Variants in TUSC3 observed in about 807,000 individuals in gnomAD.
TUSC3 encodes dolichyl-diphosphooligosaccharide--protein glycosyltransferase subunit TUSC3.
In TUSC3, 45 loss-of-function variants were observed where a neutral mutation model predicts 44.8. The ratio of observed to expected loss-of-function variants is 1.00; its 90% CI spans 0.79 to 1.29. The LOEUF (loss-of-function observed/expected upper bound fraction) is 1.29. Ranked by LOEUF, TUSC3 falls within the 50% of genes most tolerant of loss-of-function variation. TUSC3 has a pLI of 0.00. For synonymous variants in TUSC3, 212 were observed against 152.9 expected (o/e 1.39, Z -2.85); for missense variants, 519 against 437.9 (o/e 1.19, Z -1.65).
intron 2 of TUSC3, among the ~76,000 whole-genome samples, chr8:15,518,228 G>C (rs1383280087): frequency 1.3e-5 from 2 of 151,764 alleles, no homozygotes; most frequent in Non-Finnish European, 2.9e-5. Flanking sequence ...CTTCTTTGTG[G>C]TCAATATTAC....
chr8:15,467,189 T>G (rs1441282536), intron 1 of TUSC3, among the ~76,000 whole-genome samples: 2 of 151,064 alleles, frequency 1.3e-5, no homozygotes, highest in Non-Finnish European at 2.9e-5. Context: ...TTAAGGGTAG[T>G]CAACAAGTAC....
chr8:15,482,498 C>T (rs541481511), intron 1 of TUSC3, among the ~76,000 whole-genome samples: 1 of 152,126 alleles, frequency 6.6e-6, no homozygotes, highest in Non-Finnish European at 1.5e-5. Context: ...CTGTTGAGAC[C>T]TGCTGCTTAG....
intron 2 of TUSC3, among the ~76,000 whole-genome samples, chr8:15,517,331 G>A (rs367592688): frequency 3.1e-4 from 47 of 151,862 alleles, no homozygotes; most frequent in Non-Finnish European, 4.4e-4. Flanking sequence ...TCTATTCTTC[G>A]TACCTCATCA....
At chr8:15,762,909 CA>C (rs1812215581) in intron 10 of TUSC3, among the ~76,000 whole-genome samples, 3 of 151,936 alleles carry the variant, frequency 2.0e-5, no homozygotes, top group Non-Finnish European at 4.4e-5. Context: ...TGACATTCTT[CA>C]TGGAGATGGT....
At chr8:15,504,704 G>A (rs1396612249) in intron 2 of TUSC3, among the ~76,000 whole-genome samples, 1 of 142,390 alleles carries the variant, frequency 7.0e-6, no homozygotes, top group Non-Finnish European at 1.5e-5. Flanking sequence ...CCAGGCTGGA[G>A]TGCAGTGGTG....
chr8:15,469,032 C>T (rs145466720), intron 1 of TUSC3, among the ~76,000 whole-genome samples: 29 of 151,796 alleles, frequency 1.9e-4, no homozygotes, highest in African/African-American at 4.6e-4. Flanking sequence ...TCTCTCAGAA[C>T]GCAGAGGGGA....
chr8:15,663,205 A>C (rs1807504732), intron 5 of TUSC3, among the ~76,000 whole-genome samples: 1 of 151,924 alleles, frequency 6.6e-6, no homozygotes, highest in African/African-American at 2.4e-5. Flanking sequence ...AAATATTTAT[A>C]AATAGAATGT....
chr8:15,808,549 T>C, the TUSC3 span, among the ~76,000 whole-genome samples: 2 of 152,180 alleles, frequency 1.3e-5, no homozygotes, highest in African/African-American at 2.4e-5. Context: ...AATTATTCTC[T>C]TACCGAACAT....
At position 15,764,296 on chromosome 8, in the gene TUSC3, T is replaced by G; in HGVS notation, c.*140T>G. On this transcript the variant is annotated 3_prime_UTR_variant, in exon 11 of 11. Transcript: ENST00000503731. ...CTGACTTTATACTATTTTGAATTCA[T>G]TCATTTCATTGTGATCAGCTAGCTT... 6.9e-7 allele frequency: 1 copy of G among 1,446,508 alleles called. No homozygotes were observed. 89.6% of individuals were successfully genotyped at this position (1,446,508 alleles called of 1,614,324 possible).
chr8:15,748,108 G>A (rs989968056), intron 8 of TUSC3, among the ~76,000 whole-genome samples: 2 of 151,996 alleles, frequency 1.3e-5, no homozygotes, highest in African/African-American at 4.8e-5. Flanking sequence ...ACCTCCAGAA[G>A]ACTTAGATCA....
intron 9 of TUSC3, among the ~76,000 whole-genome samples, chr8:15,756,610 T>C (rs1811938761): frequency 6.6e-6 from 1 of 152,204 alleles, no homozygotes. Context: ...AAGCACATAG[T>C]AGGTGCTCAT....
At chr8:15,766,793 TA>T (rs1426412004), downstream of TUSC3, 4 of 152,104 alleles carry the variant, frequency 2.6e-5, no homozygotes, top group Admixed American at 2.6e-4. Context: ...TGCTATCACC[TA>T]AGCAAACCTC....
chr8:15,443,013 C>G (rs186563554), intron 1 of TUSC3, among the ~76,000 whole-genome samples: 33 of 152,258 alleles, frequency 2.2e-4, no homozygotes, highest in African/African-American at 7.7e-4. Flanking sequence ...AATTTTCTGT[C>G]CAGTAACCCC....
At chr8:15,735,771 C>G (rs1810902210) in intron 7 of TUSC3, among the ~76,000 whole-genome samples, 2 of 152,228 alleles carry the variant, frequency 1.3e-5, no homozygotes, top group African/African-American at 4.8e-5. Flanking sequence ...GTGATCTCCG[C>G]TCACTGCAAG....
the TUSC3 span, among the ~76,000 whole-genome samples, chr8:15,826,394 G>A: frequency 1.1e-4 from 17 of 152,206 alleles, no homozygotes; most frequent in East Asian, 3.3e-3. Flanking sequence ...AGCTTTAATT[G>A]CCTTTTCAGT....
the TUSC3 span, among the ~76,000 whole-genome samples, chr8:15,772,064 G>T: frequency 9.3e-4 from 142 of 152,062 alleles, 2 homozygotes; most frequent in African/African-American, 3.3e-3. Flanking sequence ...ACTCTAGCCT[G>T]GGCCACAGAG....
rs1389092025 is a variant in TUSC3 at position 15,599,556 on chromosome 8, G to C, written c.139-23524G>C. 2.6e-5 allele frequency among the ~76,000 whole-genome samples: 4 copies of C among 151,588 alleles called. No individual in the cohort carries two copies. The Admixed American group carries it at 2.6e-4, about 10-fold the overall frequency. On this transcript the variant is annotated intron_variant, in intron 1 of 10. Transcript: ENST00000503731. ...TATGCTCTCTTATAGTAGTTTTATA[G>C]TTTTGCATTTCACATTAGGTCTGAT...
chr8:15,681,772 G>C (rs1808439271), intron 6 of TUSC3, among the ~76,000 whole-genome samples: 1 of 151,550 alleles, frequency 6.6e-6, no homozygotes, highest in Non-Finnish European at 1.5e-5. Flanking sequence ...AGACTGTTGA[G>C]ATTTTTGTCT....
At chr8:15,555,276 A>ATT (rs35757466) in intron 1 of TUSC3, among the ~76,000 whole-genome samples, 13,400 of 44,404 alleles carry the variant, frequency 0.3, 3,797 homozygotes, top group Non-Finnish European at 0.36. Context: ...TGCCAGGCTA[A>ATT]TTTTTTTTTT....
Sources: gnomAD v4.1 joint callset for allele counts (sites outside exome capture counted in the v4.1 genomes callset) on GRCh38, gnomAD v4.1.1 for gene constraint, MANE v1.5 for transcripts, NCBI Gene and HGNC (gene_info 2026-07-23, HGNC 2026-07-21) for gene names.